The following SCAPER variants were observed in gnomAD, a reference collection of about 807,000 sequenced individuals.
The protein encoded by SCAPER is S phase cyclin A-associated protein in the endoplasmic reticulum.
SCAPER carries 98 observed loss-of-function variants against 182.2 expected under a neutral mutation model. That is an observed-to-expected ratio of 0.54 (90% CI 0.46 to 0.64). The LOEUF (loss-of-function observed/expected upper bound fraction) is 0.64. SCAPER is among the 30% of genes least tolerant of loss of function. The pLI, the probability that SCAPER is intolerant of heterozygous loss-of-function variation, is 0.00. For synonymous variants in SCAPER, 605 were observed against 564.6 expected, an observed-to-expected ratio of 1.07 and a Z score of -1.01; for missense variants, 1,432 against 1,690.0, an observed-to-expected ratio of 0.85 and a Z score of 2.68.
intron 17 of SCAPER, among the ~76,000 whole-genome samples, chr15:76,726,016 T>C (rs1442213328): frequency 6.7e-6 from 1 of 148,802 alleles, no homozygotes; most frequent in African/African-American, 2.5e-5. Context: ...ATGTCCAAAT[T>C]TAAAACTTTT....
rs930827220 is a variant in SCAPER, at chr15:76,397,464, T to C, written c.3467+7060A>G. ...AGCCCTCTGGTCCTGGGCTTTTCTT[T>C]ATTGGCAGACTTTTTTTTTTTTTTT... On this transcript the variant is annotated intron_variant, in intron 27 of 31. Coordinates refer to ENST00000563290, the MANE Select transcript of SCAPER (RefSeq NM_020843.4). Among the ~76,000 whole-genome samples, 5 of 149,396 alleles carry C rather than the reference T, an allele frequency of 3.3e-5. No homozygotes were observed. In the South Asian group the frequency reaches 8.4e-4, roughly 25 times the overall value.
At chr15:76,432,202 ATTC>A (rs1462721754) in intron 26 of SCAPER, among the ~76,000 whole-genome samples, 1 of 152,220 alleles carries the variant, frequency 6.6e-6, no homozygotes, top group African/African-American at 2.4e-5. Context: ...GAGAGGGCAA[ATTC>A]TACAACGACC....
chr15:76,769,692 T>C (rs772196590), intron 10 of SCAPER, among the ~76,000 whole-genome samples: 3 of 152,010 alleles, frequency 2.0e-5, no homozygotes, highest in Admixed American at 6.5e-5. Flanking sequence ...TGTGGAGAAA[T>C]AGGAATGCTT....
intron 20 of SCAPER, among the ~76,000 whole-genome samples, chr15:76,689,467 A>G (rs2058226022): frequency 6.6e-6 from 1 of 152,078 alleles, no homozygotes; most frequent in Non-Finnish European, 1.5e-5. Flanking sequence ...TAAATTAGAA[A>G]ATCTAATCTA....
chr15:76,359,194 A>G (rs2041220859), intron 29 of SCAPER, among the ~76,000 whole-genome samples: 1 of 152,100 alleles, frequency 6.6e-6, no homozygotes, highest in Admixed American at 6.5e-5. Flanking sequence ...GCTTTCCATC[A>G]TCTTGCCCCC....
intron 5 of SCAPER, among the ~76,000 whole-genome samples, chr15:76,807,700 C>T (rs1350596200): frequency 1.6e-5 from 2 of 124,806 alleles, no homozygotes; most frequent in Middle Eastern, 5.1e-3. Context: ...CACCCCATAA[C>T]AGTCCCCAGA....
intron 23 of SCAPER, among the ~76,000 whole-genome samples, chr15:76,519,682 T>C (rs1259078959): frequency 6.6e-6 from 1 of 152,226 alleles, no homozygotes; most frequent in Non-Finnish European, 1.5e-5. Context: ...ATCCTCTTGA[T>C]GCCTCGGTGT....
In SCAPER at chr15:76,526,874, A is replaced by AT. The variant is rs1186040534; in HGVS notation, c.2839-21901dup. ...TCAAATAGTTTTTTTTTTTATTTTT[A>AT]TTTTTTTAGGGGGGAACGTAGTTTT... On this transcript the variant is annotated intron_variant, in intron 23 of 31. Transcript: ENST00000563290. Among the ~76,000 whole-genome samples the AT allele has an allele frequency of 3.4e-3, 494 of 144,462 alleles. 3 individuals are homozygous for AT. Among genetic ancestry groups the AT allele is most frequent in the African/African-American group, 0.012 (481 of 39,116 alleles). The allele number at this position is 144,462 out of a possible 152,430, so 94.8% of individuals were successfully genotyped here.
chr15:76,747,735 T>C (rs762389652), intron 15 of SCAPER, among the ~76,000 whole-genome samples: 6 of 152,130 alleles, frequency 3.9e-5, no homozygotes, highest in African/African-American at 1.4e-4. Flanking sequence ...TCTTTCACGA[T>C]GTGATCTGCA....
chr15:76,718,065 T>C (rs1484011364), intron 17 of SCAPER, among the ~76,000 whole-genome samples: 1 of 152,146 alleles, frequency 6.6e-6, no homozygotes, highest in African/African-American at 2.4e-5. Flanking sequence ...AGATTCAAAT[T>C]GTACCTATTG....
chr15:76,816,374 T>C (rs942960697), intron 5 of SCAPER, among the ~76,000 whole-genome samples: 1 of 152,194 alleles, frequency 6.6e-6, no homozygotes, highest in Non-Finnish European at 1.5e-5. Flanking sequence ...TTTTCCTTTT[T>C]AACTTTTGTT....
intron 25 of SCAPER, among the ~76,000 whole-genome samples, chr15:76,456,059 C>T (rs982930741): frequency 3.3e-5 from 5 of 152,156 alleles, no homozygotes; most frequent in African/African-American, 1.2e-4. Context: ...TTTCTTTATC[C>T]AGTCTATCAT....
chr15:76,580,652 T>C (rs927114832), intron 22 of SCAPER, among the ~76,000 whole-genome samples: 2 of 152,052 alleles, frequency 1.3e-5, no homozygotes, highest in Non-Finnish European at 2.9e-5. Context: ...ACCTATCAGA[T>C]ACAGTGAAAG....
At chr15:76,443,211 AATGT>A (rs1438241526) in intron 25 of SCAPER, among the ~76,000 whole-genome samples, 1 of 152,188 alleles carries the variant, frequency 6.6e-6, no homozygotes, top group African/African-American at 2.4e-5. Context: ...GTTTGTGAAA[AATGT>A]GTATTTTGAA....
At chr15:76,850,917 C>T (rs558449269) in intron 4 of SCAPER, among the ~76,000 whole-genome samples, 29 of 148,116 alleles carry the variant, frequency 2.0e-4, no homozygotes, top group African/African-American at 5.7e-4. Context: ...CATAGATCAT[C>T]GAGATTCAGG....
At chr15:76,392,568 T>TAC (rs5813838) in intron 27 of SCAPER, among the ~76,000 whole-genome samples, 123,929 of 150,172 alleles carry the variant, frequency 0.83, 52,600 homozygotes, top group Middle Eastern at 0.95. Flanking sequence ...AGAGCTCGTC[T>TAC]ACACACACAC....
chr15:76,859,995 C>T (rs2071743975), intron 3 of SCAPER, among the ~76,000 whole-genome samples: 3 of 152,086 alleles, frequency 2.0e-5, no homozygotes, highest in Admixed American at 6.5e-5. Context: ...GGATTACAGA[C>T]GTGAGCCACT....
chr15:76,885,575 C>A (rs915830623), intron 1 of SCAPER, among the ~76,000 whole-genome samples: 3 of 152,218 alleles, frequency 2.0e-5, no homozygotes, highest in African/African-American at 7.2e-5. Context: ...CCTCTGCCTC[C>A]CTGACTCAAG....
At chr15:76,626,349 AG>A (rs1001566900) in intron 21 of SCAPER, among the ~76,000 whole-genome samples, 3 of 152,176 alleles carry the variant, frequency 2.0e-5, no homozygotes, top group African/African-American at 7.2e-5. Flanking sequence ...GGATACAAAG[AG>A]GTATATACAT....
Sources: allele counts gnomAD v4.1 joint callset (sites outside exome capture counted in the v4.1 genomes callset), GRCh38; gene constraint gnomAD v4.1.1; transcripts MANE v1.5; gene names NCBI Gene and HGNC (gene_info 2026-07-23, HGNC 2026-07-21).